The following FAM9C variants were observed in gnomAD, a reference collection of about 807,000 sequenced individuals.
FAM9C encodes the protein family with sequence similarity 9 member C, also known as protein FAM9C.
In FAM9C, 15 loss-of-function variants were observed where a neutral mutation model predicts 14.8. The observed-to-expected ratio is 1.02, with a 90% CI of 0.68 to 1.56. FAM9C has a LOEUF of 1.56. FAM9C is among the 40% of genes most tolerant of loss of function. FAM9C has a pLI of 0.00. For synonymous variants in FAM9C, 45 were observed against 37.5 expected, an observed-to-expected ratio of 1.20 and a Z score of -0.74; for missense variants, 116 against 118.0, an observed-to-expected ratio of 0.98 and a Z score of 0.08.
intron 6 of FAM9C, 101 bp from the exon 7 acceptor site, chrX:13,038,604 C>A: frequency 3.0e-5 from 22 of 736,540 alleles, no homozygotes; most frequent in Non-Finnish European, 4.2e-5. Flanking sequence ...TACTTCTGAA[C>A]ACTTTCTTTT....
chrX:13,040,533 A>G, intron 5 of FAM9C: 1 of 280,901 alleles, frequency 3.6e-6, no homozygotes, highest in Non-Finnish European at 6.1e-6. Context: ...TTTTATCTGG[A>G]AGGCAAAAAG....
intron 7 of FAM9C, 161 bp downstream of exon 7, chrX:13,038,255 T>C (rs2043495116): frequency 5.7e-6 from 2 of 348,963 alleles, no homozygotes; most frequent in Non-Finnish European, 9.8e-6. Flanking sequence ...TTACTACTTA[T>C]GTTAAATCTG....
intron 7 of FAM9C, chrX:13,037,834 T>G (rs556859923): frequency 1.8e-5 from 2 of 113,569 alleles, no homozygotes; most frequent in South Asian, 7.3e-4. Context: ...CTGTTATACA[T>G]CTGAACCATC....
In FAM9C at chrX:13,038,554, T is replaced by C. The variant is rs376016802; in HGVS notation, c.439-51A>G. The stretch of plus-strand genomic sequence containing the variant: ...TTAAAATTGGGTAAATTTTAATACT[T>C]ATAAAACATTCTGCATTAAAGAAAT... On this transcript the variant is annotated intron_variant, in intron 6 of 7. Transcript: ENST00000380625. The C allele has an allele frequency of 4.0e-5, 42 of 1,054,260 alleles. No homozygotes were observed. The African/African-American group carries it at 6.6e-4, about 17-fold the overall frequency. 86.9% of individuals were successfully genotyped at this position (1,054,260 alleles called of 1,213,427 possible). A position where few individuals can be genotyped will look rare whatever the true frequency, so the allele number is the denominator to read the frequency against.
intron 7 of FAM9C, 81 bp from the exon 8 acceptor site, chrX:13,036,099 G>A (rs1429143725): frequency 8.9e-6 from 1 of 112,177 alleles, no homozygotes; most frequent in Non-Finnish European, 1.9e-5. Context: ...TCAATCCTGA[G>A]TTTTTAAGAT....
At chrX:13,044,169 C>T (rs982784964) in intron 1 of FAM9C, among the ~76,000 whole-genome samples, 2 of 112,142 alleles carry the variant, frequency 1.8e-5, no homozygotes, top group Non-Finnish European at 3.8e-5. Flanking sequence ...ATCTCCCCAG[C>T]CATCTCCATG....
At chrX:13,039,398 G>A (rs2043506618) in intron 6 of FAM9C, among the ~76,000 whole-genome samples, 1 of 110,917 alleles carries the variant, frequency 9.0e-6, no homozygotes, top group Admixed American at 9.6e-5. Flanking sequence ...CTATTGAATG[G>A]AGCACTTTTC....
chrX:13,044,525 C>A lies in FAM9C; in HGVS notation c.-69+15G>T, dbSNP rs1477872043. On this transcript the variant is annotated intron_variant, in intron 1 of 7. Transcript: ENST00000380625. ...CTGGCCCGCCTTCCCCGCATCCCCA[C>A]CGAGGGCGTCTCACCTGAGGGAGCC... 1 of 112,101 alleles carries A rather than the reference C, an allele frequency of 8.9e-6. No individual in the cohort carries two copies. The highest frequency in any genetic ancestry group is 1.9e-5 in the Non-Finnish European group (1 of 52,968). The allele number at this position is 112,101 out of a possible 1,213,427, so 9.2% of individuals were successfully genotyped here. A position where few individuals can be genotyped will look rare whatever the true frequency, so the allele number is the denominator to read the frequency against.
chrX:13,044,327 C>A (rs1276131650), intron 1 of FAM9C, among the ~76,000 whole-genome samples: 1 of 102,740 alleles, frequency 9.7e-6, no homozygotes, highest in African/African-American at 3.5e-5. Flanking sequence ...CCCGACCCCC[C>A]CCCAAACGCT....
At chrX:13,038,326 CCATA>C (rs1328691936) in intron 7 of FAM9C, 86 bp downstream of exon 7, 1 of 722,151 alleles carries the variant, frequency 1.4e-6, no homozygotes, top group African/African-American at 2.2e-5. Context: ...AAATGTCTTT[CCATA>C]CATTCAGAAA....
chrX:13,043,042 T>C, intron 3 of FAM9C, 86 bp downstream of exon 3: 5 of 1,167,229 alleles, frequency 4.3e-6, no homozygotes, highest in Non-Finnish European at 5.7e-6. Context: ...ATGTTCTGCA[T>C]AGAACATAAC....
chrX:13,043,390 G>T, intron 2 of FAM9C, 142 bp from the exon 3 acceptor site: 2 of 838,750 alleles, frequency 2.4e-6, no homozygotes, highest in Non-Finnish European at 3.3e-6. Context: ...TGGAATCGCC[G>T]GCTCCTAACC....
chrX:13,039,691 TG>T, intron 6 of FAM9C, 116 bp downstream of exon 6: 1 of 1,080,261 alleles, frequency 9.3e-7, no homozygotes, highest in African/African-American at 1.9e-5. Flanking sequence ...AGTCCACTAA[TG>T]GGCGACCCTC....
chrX:13,042,680 A>C (rs948080036), intron 4 of FAM9C: 17 of 425,501 alleles, frequency 4.0e-5, no homozygotes, highest in African/African-American at 3.2e-4. Context: ...TTAAATTTCC[A>C]CGTGTATGAA....
At chrX:13,038,591 C>T (rs1389489176) in intron 6 of FAM9C, 88 bp from the exon 7 acceptor site, 2 of 823,145 alleles carry the variant, frequency 2.4e-6, no homozygotes, top group African/African-American at 4.2e-5. Context: ...CTCTTTAAAT[C>T]AATACTTCTG....
chrX:13,038,206 TGAATCCTAAAAATACTG>T, intron 7 of FAM9C, 193 bp downstream of exon 7: 1 of 299,551 alleles, frequency 3.3e-6, no homozygotes. Context: ...AAACTATTCA[TGAATCCTAAAAATACTG>T]TTTTATGTTA....
intron 4 of FAM9C, chrX:13,042,575 TA>T (rs57544006): frequency 2.4e-4 from 48 of 202,649 alleles, no homozygotes; most frequent in South Asian, 6.4e-4. Context: ...AAGTAAAAGC[TA>T]AAAAAAAACC....
chrX:13,044,506 CGCCTT>C (rs1401116194), intron 1 of FAM9C, 29 bp downstream of exon 1: 1 of 111,782 alleles, frequency 8.9e-6, no homozygotes, highest in Non-Finnish European at 1.9e-5. Context: ...GCCTCTGGCC[CGCCTT>C]CCCCGCATCC....
At chrX:13,042,985 T>C (rs1413229187) in intron 3 of FAM9C, 36 bp from the exon 4 acceptor site, 2 of 1,177,548 alleles carry the variant, frequency 1.7e-6, no homozygotes, top group South Asian at 4.0e-5. Context: ...TTTAACATAA[T>C]GCTACACAAA....
Sources: allele counts gnomAD v4.1 joint callset (sites outside exome capture counted in the v4.1 genomes callset), GRCh38; gene constraint gnomAD v4.1.1; transcripts MANE v1.5; gene names NCBI Gene and HGNC (gene_info 2026-07-23, HGNC 2026-07-21).